ANKRD62: variants seen among roughly 807,000 people sequenced by gnomAD.
ANKRD62 encodes the protein ankyrin repeat domain 62, also known as ankyrin repeat domain-containing protein 62.
A neutral mutation model predicts 98.8 loss-of-function variants in ANKRD62; 61 were observed. The observed-to-expected ratio is 0.62, with a 90% confidence interval of 0.50 to 0.76. ANKRD62 has a LOEUF of 0.76. Ranked by LOEUF, ANKRD62 falls within the 30% of genes least tolerant of loss-of-function variation. The pLI is 0.00. For missense variants in ANKRD62, 933 were observed against 1,082.9 expected, an observed-to-expected ratio of 0.86 and a Z score of 1.94; for synonymous variants, 341 against 367.9, an observed-to-expected ratio of 0.93 and a Z score of 0.84.
chr18:12,103,308 C>A, intron 7 of ANKRD62, 80 bp downstream of exon 7: 1 of 783,954 alleles, frequency 1.3e-6, no homozygotes, highest in Non-Finnish European at 1.8e-6. Context: ...TTTGGACTAG[C>A]CTTTTAGAAT....
chr18:12,121,799 T>G (rs1394440907), intron 10 of ANKRD62, among the ~76,000 whole-genome samples: 1 of 152,238 alleles, frequency 6.6e-6, no homozygotes, highest in Non-Finnish European at 1.5e-5. Context: ...GAATATATTT[T>G]GTCTGTGTTG....
At chr18:12,114,099 A>T (rs1410261087) in intron 8 of ANKRD62, among the ~76,000 whole-genome samples, 1 of 152,186 alleles carries the variant, frequency 6.6e-6, no homozygotes, top group African/African-American at 2.4e-5. Flanking sequence ...GAACACATAG[A>T]CACATTGATA....
At chr18:12,101,680 C>A (rs1387147638) in intron 6 of ANKRD62, among the ~76,000 whole-genome samples, 1 of 152,126 alleles carries the variant, frequency 6.6e-6, no homozygotes, top group Non-Finnish European at 1.5e-5. Flanking sequence ...AAGCTGGATT[C>A]TCTTTAAGAG....
At chr18:12,170,900 C>T in the ANKRD62 span, among the ~76,000 whole-genome samples, 1 of 149,682 alleles carries the variant, frequency 6.7e-6, no homozygotes, top group African/African-American at 2.4e-5. Flanking sequence ...TTCTTTGTCT[C>T]TTTTGATCTT....
At chr18:12,120,662 T>C (rs1909764694) in intron 10 of ANKRD62, among the ~76,000 whole-genome samples, 1 of 152,222 alleles carries the variant, frequency 6.6e-6, no homozygotes, top group Admixed American at 6.5e-5. Context: ...TGTCTGTCAT[T>C]GTGCTGTTTG....
the ANKRD62 span, among the ~76,000 whole-genome samples, chr18:12,174,537 G>C: frequency 3.3e-5 from 5 of 152,194 alleles, no homozygotes; most frequent in Non-Finnish European, 5.9e-5. Context: ...ACCCTTGTTG[G>C]AGAGGTAATG....
At chr18:12,157,000 GC>G in the ANKRD62 span, among the ~76,000 whole-genome samples, 2 of 152,028 alleles carry the variant, frequency 1.3e-5, no homozygotes, top group African/African-American at 4.8e-5. Flanking sequence ...TCACTATGTT[GC>G]CCAGGCAAGC....
chr18:12,115,187 C>T, intron 9 of ANKRD62, 66 bp downstream of exon 9: 6 of 1,333,790 alleles, frequency 4.5e-6, no homozygotes, highest in Non-Finnish European at 5.8e-6. Flanking sequence ...TGGTAAAAAA[C>T]AGAAAATCTT....
Position 12,127,802 on chromosome 18 carries a change from C to G in ANKRD62, c.2617C>G (p.Leu873Val). The change falls in exon 14 of 14, where the codon CTG (leucine) becomes GTG (valine). Residue 873 changes from leucine to valine, a missense_variant. Physicochemically the swap from Leu to Val is conservative, Grantham distance 32. Coordinates refer to ENST00000587848, the MANE Select transcript of ANKRD62 (RefSeq NM_001277333.2). ...EVDDALNKQL[L>V]LEAMLEISSE... ...GGATGATGCCCTGAACAAACAATTG[C>G]TGTTAGAAGCTATGCTAGAGATTTC... 6.7e-7 allele frequency: 1 copy of G among 1,503,390 alleles called. No individual in the cohort carries two copies. Among genetic ancestry groups the G allele is most frequent in the Non-Finnish European group, 8.8e-7 (1 of 1,133,202 alleles). 93.1% of individuals were successfully genotyped at this position (1,503,390 alleles called of 1,614,324 possible).
At chr18:12,169,643 C>G in the ANKRD62 span, among the ~76,000 whole-genome samples, 1 of 152,110 alleles carries the variant, frequency 6.6e-6, no homozygotes, top group Non-Finnish European at 1.5e-5. Flanking sequence ...TGATGCTGGT[C>G]TCATAAAATG....
At chr18:12,129,776 T>G (rs1909974053), downstream of ANKRD62, 2 of 147,444 alleles carry the variant, frequency 1.4e-5, no homozygotes, top group South Asian at 2.1e-4. Context: ...AAAAAAGTAA[T>G]AGGTCGATTT....
At chr18:12,159,919 C>G in the ANKRD62 span, among the ~76,000 whole-genome samples, 1 of 152,112 alleles carries the variant, frequency 6.6e-6, no homozygotes, top group Non-Finnish European at 1.5e-5. Context: ...TTATTTTATG[C>G]TTTCACCCAC....
the ANKRD62 span, among the ~76,000 whole-genome samples, chr18:12,141,512 T>C: frequency 6.6e-6 from 1 of 151,710 alleles, no homozygotes; most frequent in Non-Finnish European, 1.5e-5. Flanking sequence ...TGGTGGTGTT[T>C]TTTTTTCCTA....
chr18:12,150,963 A>G, the ANKRD62 span, among the ~76,000 whole-genome samples: 1 of 152,224 alleles, frequency 6.6e-6, no homozygotes, highest in Non-Finnish European at 1.5e-5. Flanking sequence ...AAATGGGTGA[A>G]ATACCCTTCA....
intron 10 of ANKRD62, among the ~76,000 whole-genome samples, chr18:12,119,464 G>A (rs1205755876): frequency 6.6e-6 from 1 of 151,626 alleles, no homozygotes; most frequent in Non-Finnish European, 1.5e-5. Context: ...CAAGGTCAAG[G>A]TGCTGTCAAA....
chr18:12,096,476 A>T lies in ANKRD62; in HGVS notation c.614+174A>T, dbSNP rs1471914746. On this transcript the variant is annotated intron_variant, in intron 4 of 13. Coordinates refer to ENST00000587848, the MANE Select transcript of ANKRD62 (RefSeq NM_001277333.2). ...CAATTATTTGGACTGGGCAACATAA[A>T]AAATAGTGTATTGCAGGATTTGTCT... Among the ~76,000 whole-genome samples the T allele has an allele frequency of 2.0e-5, 3 of 152,242 alleles. No individual in the cohort carries two copies. In the East Asian group the frequency reaches 5.8e-4, roughly 29 times the overall value.
At chr18:12,170,225 G>T in the ANKRD62 span, among the ~76,000 whole-genome samples, 28 of 152,142 alleles carry the variant, frequency 1.8e-4, no homozygotes, top group African/African-American at 6.0e-4. Context: ...TGATGTTAGG[G>T]TGTCAATTTT....
At chr18:12,171,784 C>A in the ANKRD62 span, among the ~76,000 whole-genome samples, 1 of 152,218 alleles carries the variant, frequency 6.6e-6, no homozygotes, top group Non-Finnish European at 1.5e-5. Context: ...ACCACTCAGA[C>A]GTAGATTTGG....
intron 4 of ANKRD62, 66 bp from the exon 5 acceptor site, chr18:12,097,574 A>G: frequency 6.9e-7 from 1 of 1,452,690 alleles, no homozygotes. Context: ...GGTAAAGTTT[A>G]TAAATTTAGC....
Sources: allele counts gnomAD v4.1 joint callset (sites outside exome capture counted in the v4.1 genomes callset), GRCh38; gene constraint gnomAD v4.1.1; transcripts MANE v1.5; gene names NCBI Gene and HGNC (gene_info 2026-07-23, HGNC 2026-07-21).